GRIA3: variants seen among roughly 807,000 people sequenced by gnomAD.
The protein encoded by GRIA3 is glutamate ionotropic receptor AMPA type subunit 3.
GRIA3 carries 3 observed loss-of-function variants against 63.0 expected under a neutral mutation model. The observed-to-expected ratio is 0.05, with a 90% confidence interval of 0.02 to 0.12. GRIA3 has a LOEUF of 0.12. Ranked by LOEUF, GRIA3 falls within the 10% of genes least tolerant of loss-of-function variation. GRIA3 has a pLI of 1.00. For synonymous variants in GRIA3, 274 were observed against 257.9 expected (o/e 1.06, Z -0.60); for missense variants, 347 against 700.9 (o/e 0.50, Z 5.70).
In GRIA3 at chrX:123,240,384, A is replaced by G. The variant is rs541128459; in HGVS notation, c.269-12919A>G. Among the ~76,000 whole-genome samples the G allele has an allele frequency of 6.3e-5, 7 of 110,917 alleles. No homozygotes were observed. The South Asian group carries it at 2.3e-3, about 37-fold the overall frequency. Reference sequence around the variant, plus strand: ...AATAGGTTTTTTTGCTCTTCAGGCTATTGAGACATATTTGAAGGAACTGAG... The same window carrying G: ...AATAGGTTTTTTTGCTCTTCAGGCTGTTGAGACATATTTGAAGGAACTGAG... On this transcript the variant is annotated intron_variant, in intron 2 of 15. Transcript: ENST00000620443.
chrX:123,256,810 G>T (rs1465094378), intron 3 of GRIA3, among the ~76,000 whole-genome samples: 2 of 112,128 alleles, frequency 1.8e-5, no homozygotes, highest in African/African-American at 3.2e-5. Context: ...GAAACCAATT[G>T]AAAGTCCATT....
intron 4 of GRIA3, among the ~76,000 whole-genome samples, chrX:123,347,768 T>C (rs2045062021): frequency 8.9e-6 from 1 of 112,572 alleles, no homozygotes; most frequent in Non-Finnish European, 1.9e-5. Context: ...TTATGTCTCT[T>C]TCTAGTACAT....
chrX:123,283,607 C>T (rs2044599851), intron 3 of GRIA3, among the ~76,000 whole-genome samples: 1 of 111,240 alleles, frequency 9.0e-6, no homozygotes, highest in South Asian at 3.9e-4. Flanking sequence ...GTTTTCCCCT[C>T]ACAGTGTAAA....
At position 123,352,698 on chromosome X, in the gene GRIA3, A is replaced by G. The variant is rs2045104568; in HGVS notation, c.697-2212A>G. ...CCAGATGTCTTTAAGAATATTGCTC[A>G]TTTTTCTAGCAGAACTCAAAACCCT... On this transcript the variant is annotated intron_variant, in intron 4 of 15. Transcript: ENST00000620443. Among the ~76,000 whole-genome samples the G allele has an allele frequency of 2.7e-5, 3 of 111,188 alleles. No homozygotes were observed. The Admixed American group carries it at 2.9e-4, about 11-fold the overall frequency.
At chrX:123,373,893 C>T (rs1014479118) in intron 5 of GRIA3, among the ~76,000 whole-genome samples, 4 of 111,622 alleles carry the variant, frequency 3.6e-5, no homozygotes, top group Admixed American at 1.9e-4. Flanking sequence ...GCTTTCGTTG[C>T]GATTGCTTTT....
chrX:123,355,543 C>T (rs771947202), intron 5 of GRIA3, among the ~76,000 whole-genome samples: 2 of 112,339 alleles, frequency 1.8e-5, no homozygotes, highest in East Asian at 5.5e-4. Flanking sequence ...TTATTTTATA[C>T]ATTTTCTTTC....
At chrX:123,218,735 C>T (rs1438920894) in intron 2 of GRIA3, among the ~76,000 whole-genome samples, 1 of 111,542 alleles carries the variant, frequency 9.0e-6, no homozygotes, top group Admixed American at 9.5e-5. Context: ...CTTCTCCTTC[C>T]TACTTCATAG....
rs372084941 is a variant in GRIA3, at chrX:123,274,695, T to C, written c.508+21153T>C. Among the ~76,000 whole-genome samples, 3 of 112,114 alleles carry C rather than the reference T, an allele frequency of 2.7e-5. No individual in the cohort carries two copies. In the East Asian group the frequency reaches 8.4e-4, roughly 31 times the overall value. On this transcript the variant is annotated intron_variant, in intron 3 of 15. Transcript: ENST00000620443. ...ATCCCAAGCAAACATCAAGGTGGGATGGAGGGCGCTACCAGGCCACTGCAC... is the reference window on the plus strand; with the variant it reads ...ATCCCAAGCAAACATCAAGGTGGGACGGAGGGCGCTACCAGGCCACTGCAC...
intron 3 of GRIA3, among the ~76,000 whole-genome samples, chrX:123,301,033 CTGTT>C (rs1288279168): frequency 2.7e-5 from 3 of 111,230 alleles, no homozygotes; most frequent in Admixed American, 9.6e-5. Flanking sequence ...GTCCCAGAGA[CTGTT>C]TGTTACAATT....
intron 3 of GRIA3, among the ~76,000 whole-genome samples, chrX:123,295,190 G>A (rs1039029818): frequency 1.8e-5 from 2 of 111,584 alleles, no homozygotes; most frequent in Non-Finnish European, 3.8e-5. Context: ...AGAGGCAAAC[G>A]ATAATTTTTA....
At chrX:123,349,529 A>G (rs753785680) in intron 4 of GRIA3, among the ~76,000 whole-genome samples, 102 of 112,893 alleles carry the variant, frequency 9.0e-4, no homozygotes, top group Non-Finnish European at 1.5e-3. Flanking sequence ...TTCTCTCTGC[A>G]TAAGCTTCCC....
At chrX:123,384,454 G>A (rs747832118) in intron 5 of GRIA3, among the ~76,000 whole-genome samples, 23 of 111,472 alleles carry the variant, frequency 2.1e-4, no homozygotes, top group South Asian at 3.8e-4. Flanking sequence ...GTGAAACCCC[G>A]TCTCTACTAA....
intron 13 of GRIA3, among the ~76,000 whole-genome samples, chrX:123,465,477 G>A (rs2045829370): frequency 9.0e-6 from 1 of 111,471 alleles, no homozygotes; most frequent in Non-Finnish European, 1.9e-5. Flanking sequence ...TCCCCATCCC[G>A]CACACTTCAG....
intron 4 of GRIA3, among the ~76,000 whole-genome samples, chrX:123,336,655 AACC>A (rs1012819761): frequency 9.0e-6 from 1 of 110,908 alleles, no homozygotes; most frequent in African/African-American, 3.3e-5. Context: ...CCCAAATACA[AACC>A]ACCACCACCC....
At chrX:123,297,190 G>A (rs1210323279) in intron 3 of GRIA3, among the ~76,000 whole-genome samples, 3 of 111,232 alleles carry the variant, frequency 2.7e-5, no homozygotes, top group Non-Finnish European at 5.7e-5. Context: ...AGATTCTCAT[G>A]TGATTCCCGT....
chrX:123,462,268 C>A (rs6655769), intron 12 of GRIA3, among the ~76,000 whole-genome samples: 195 of 111,113 alleles, frequency 1.8e-3, no homozygotes, highest in African/African-American at 6.3e-3. Context: ...CTTATCACAC[C>A]CCTCCTCAAA....
chrX:123,417,746 C>T lies in GRIA3; in HGVS notation c.1845C>T (p.Ala615=), dbSNP rs1055919324. 2 of 1,172,343 alleles carry T rather than the reference C, an allele frequency of 1.7e-6. No homozygotes were observed. Among genetic ancestry groups the T allele is most frequent in the Non-Finnish European group, 2.3e-6 (2 of 876,291 alleles). Residue 615 remains alanine (A), a synonymous_variant, in exon 11 of 16, where the codon GCC becomes GCT. Coordinates refer to ENST00000620443, the MANE Select transcript of GRIA3 (RefSeq NM_007325.5). ...ACAGTCTTTGGTTTTCCTTGGGTGC[C>T]TTTATGCAGCAAGGATGTGATATTT... The part of the protein sequence containing the change: ...IFNSLWFSLG[A]FMQQGCDISP...
At chrX:123,333,113 T>C (rs762638131) in intron 4 of GRIA3, among the ~76,000 whole-genome samples, 2 of 111,336 alleles carry the variant, frequency 1.8e-5, no homozygotes, top group East Asian at 5.6e-4. Flanking sequence ...ATGTCTAGTG[T>C]GGGCTGGCTG....
intron 15 of GRIA3, among the ~76,000 whole-genome samples, chrX:123,484,105 C>G (rs1014192258): frequency 1.8e-5 from 2 of 111,859 alleles, no homozygotes; most frequent in African/African-American, 6.5e-5. Context: ...AAGTGTCTAT[C>G]AAAGGATAGT....
Sources: gnomAD v4.1 joint callset for allele counts (sites outside exome capture counted in the v4.1 genomes callset) on GRCh38, gnomAD v4.1.1 for gene constraint, MANE v1.5 for transcripts, NCBI Gene and HGNC (gene_info 2026-07-23, HGNC 2026-07-21) for gene names.